Variants in PRKN observed in about 807,000 individuals in gnomAD.
PRKN encodes parkin RBR E3 ubiquitin protein ligase.
PRKN carries 56 observed loss-of-function variants against 59.5 expected under a neutral mutation model. That is an observed-to-expected ratio of 0.94 (90% CI 0.76 to 1.18). The LOEUF (loss-of-function observed/expected upper bound fraction) is 1.18. Ranked by LOEUF, PRKN falls within the 50% of genes most tolerant of loss-of-function variation. The pLI is 0.00. For synonymous variants in PRKN, 250 were observed against 222.1 expected (o/e 1.13, Z -1.12); for missense variants, 657 against 596.4 (o/e 1.10, Z -1.06).
rs1779822111 is a variant in PRKN, at chr6:161,547,074, TGACTCTCA to T, written c.1083+1772_1083+1779del. 2.6e-5 allele frequency among the ~76,000 whole-genome samples: 4 copies of T among 152,314 alleles called. No individual in the cohort carries two copies. The South Asian group carries it at 8.3e-4, about 32-fold the overall frequency. ...AGCAAAGCCACTCACGGGTGATTCC[TGACTCTCA>T]GAAACTGTGAGATGATACATTTCTA... On this transcript the variant is annotated intron_variant, in intron 9 of 11. Coordinates refer to ENST00000366898, the MANE Select transcript of PRKN (RefSeq NM_004562.3). The surrounding 1 kb of genome is among the most constrained non-coding windows in gnomAD (Gnocchi z 4.0).
chr6:161,370,415 C>T (rs1785393610), intron 10 of PRKN, among the ~76,000 whole-genome samples: 1 of 125,806 alleles, frequency 7.9e-6, no homozygotes, highest in Non-Finnish European at 1.6e-5. Flanking sequence ...CCCATCTCTA[C>T]TCAAAATACA....
At chr6:161,441,072 T>A (rs1789192910) in intron 9 of PRKN, among the ~76,000 whole-genome samples, 1 of 152,162 alleles carries the variant, frequency 6.6e-6, no homozygotes, top group African/African-American at 2.4e-5. Context: ...CTAAACACCA[T>A]CAGGGGTTCT....
intron 2 of PRKN, among the ~76,000 whole-genome samples, chr6:162,339,543 C>T (rs1784062275): frequency 6.8e-6 from 1 of 146,542 alleles, no homozygotes; most frequent in Non-Finnish European, 1.5e-5. Flanking sequence ...CCCGGCCAGC[C>T]GCCCCGTCCG....
chr6:161,515,637 T>C (rs1040772677), intron 9 of PRKN, among the ~76,000 whole-genome samples: 1 of 152,208 alleles, frequency 6.6e-6, no homozygotes, highest in African/African-American at 2.4e-5. Context: ...TAGGACTGAT[T>C]TAAGCATTGA....
At chr6:162,250,901 G>A (rs1391866074) in intron 3 of PRKN, among the ~76,000 whole-genome samples, 1 of 151,856 alleles carries the variant, frequency 6.6e-6, no homozygotes, top group Non-Finnish European at 1.5e-5. Context: ...ATGTATTTGG[G>A]TTTTTTAGCA....
In PRKN at chr6:161,360,267, T is replaced by C; in HGVS notation, c.1168-62A>G. On this transcript the variant is annotated intron_variant, in intron 10 of 11. Transcript: ENST00000366898. The surrounding 1 kb of genome is among the most constrained non-coding windows in gnomAD (Gnocchi z 5.1). Reference sequence around the variant, plus strand: ...TTTCTATTACTGGGATCAGAGTTTATGTTCCCTGTACGTCGGTACAGGAAA... The same window carrying C: ...TTTCTATTACTGGGATCAGAGTTTACGTTCCCTGTACGTCGGTACAGGAAA... 1 of 1,316,734 alleles carries C rather than the reference T, an allele frequency of 7.6e-7. No individual in the cohort carries two copies. The highest frequency in any genetic ancestry group is 1.7e-5 in the Admixed American group (1 of 59,652). 81.6% of individuals were successfully genotyped at this position (1,316,734 alleles called of 1,614,324 possible). A position where few individuals can be genotyped will look rare whatever the true frequency, so the allele number is the denominator to read the frequency against.
intron 2 of PRKN, among the ~76,000 whole-genome samples, chr6:162,336,482 A>T (rs74583445): frequency 0.07 from 10,671 of 152,246 alleles, 539 homozygotes; most frequent in African/African-American, 0.14. Context: ...CTGAACTGAC[A>T]GAGATTCACA....
At chr6:161,946,414 A>ACACACTCTCTCTCTCT (rs1247187053) in intron 6 of PRKN, among the ~76,000 whole-genome samples, 31 of 114,450 alleles carry the variant, frequency 2.7e-4, no homozygotes, top group African/African-American at 1.1e-3. Flanking sequence ...ACACACACAC[A>ACACACTCTCTCTCTCT]CTCTCTCTCT....
chr6:162,315,082 A>C (rs955853796), intron 2 of PRKN, among the ~76,000 whole-genome samples: 4 of 152,168 alleles, frequency 2.6e-5, no homozygotes, highest in Non-Finnish European at 5.9e-5. Context: ...TTAAAAGTTA[A>C]ATTTTTATAT....
At chr6:162,428,472 T>G (rs996660512) in intron 2 of PRKN, among the ~76,000 whole-genome samples, 1 of 152,258 alleles carries the variant, frequency 6.6e-6, no homozygotes, top group East Asian at 1.9e-4. Context: ...TAAAATTTAT[T>G]TGAAACCTTA....
At position 161,552,859 on chromosome 6, in the gene PRKN, C is replaced by T. The variant is rs945158075; in HGVS notation, c.934-3856G>A. 6.7e-5 allele frequency among the ~76,000 whole-genome samples: 10 copies of T among 149,626 alleles called. No individual in the cohort carries two copies. The highest frequency in any genetic ancestry group is 1.2e-4 in the Non-Finnish European group (8 of 67,614). ...CGGCTGGAGTACAGTGGCGCAATCT[C>T]GGCTCACTGCAACCTTCATCTCTTG... On this transcript the variant is annotated intron_variant, in intron 8 of 11. Coordinates refer to ENST00000366898, the MANE Select transcript of PRKN (RefSeq NM_004562.3). The surrounding 1 kb of genome is among the most constrained non-coding windows in gnomAD (Gnocchi z 4.9).
At chr6:161,615,310 TTATTAA>T (rs1485947213) in intron 7 of PRKN, among the ~76,000 whole-genome samples, 5 of 152,252 alleles carry the variant, frequency 3.3e-5, no homozygotes, top group East Asian at 1.9e-4. Context: ...CCCAAAGCTA[TTATTAA>T]TATTAAGGAC....
intron 1 of PRKN, among the ~76,000 whole-genome samples, chr6:162,489,590 G>A (rs1792712175): frequency 6.6e-6 from 1 of 152,170 alleles, no homozygotes; most frequent in Non-Finnish European, 1.5e-5. Flanking sequence ...GACAGCATGA[G>A]CTACTTGTGA....
rs576330560 is a variant in PRKN at position 162,550,810 on chromosome 6, C to T, written c.8-107337G>A. Among the ~76,000 whole-genome samples, 9 of 152,266 alleles carry T rather than the reference C, an allele frequency of 5.9e-5. No individual in the cohort carries two copies. The South Asian group carries it at 1.9e-3, about 32-fold the overall frequency. On this transcript the variant is annotated intron_variant, in intron 1 of 11. Coordinates refer to ENST00000366898, the MANE Select transcript of PRKN (RefSeq NM_004562.3). ...AATGTTCTGGAAACTAGAAACACTTCCCTGTGTGTCATGCTGCGACGGTGC... is the reference window on the plus strand; with the variant it reads ...AATGTTCTGGAAACTAGAAACACTTTCCTGTGTGTCATGCTGCGACGGTGC...
At chr6:161,534,638 C>T (rs1347767918) in intron 9 of PRKN, among the ~76,000 whole-genome samples, 5 of 152,212 alleles carry the variant, frequency 3.3e-5, no homozygotes, top group South Asian at 2.1e-4. Flanking sequence ...TATGCTGTTT[C>T]GCATAGACAT....
At chr6:161,535,213 A>G (rs574453614) in intron 9 of PRKN, among the ~76,000 whole-genome samples, 32 of 152,256 alleles carry the variant, frequency 2.1e-4, no homozygotes, top group Non-Finnish European at 4.4e-4. Context: ...TATTGTGGCA[A>G]CACCTTTTAA....
chr6:161,948,592 T>C (rs768008611), intron 6 of PRKN, among the ~76,000 whole-genome samples: 1 of 152,190 alleles, frequency 6.6e-6, no homozygotes, highest in Non-Finnish European at 1.5e-5. Context: ...GACAAGGAAC[T>C]GTTCTCTGTG....
At chr6:161,731,923 A>G (rs1289669790) in intron 7 of PRKN, among the ~76,000 whole-genome samples, 1 of 152,122 alleles carries the variant, frequency 6.6e-6, no homozygotes, top group Admixed American at 6.6e-5. Flanking sequence ...AGGTATAGCC[A>G]TTACATTTAC....
At chr6:162,636,926 C>T (rs1777735354) in intron 1 of PRKN, among the ~76,000 whole-genome samples, 1 of 151,202 alleles carries the variant, frequency 6.6e-6, no homozygotes, top group African/African-American at 2.4e-5. Context: ...TGCCACTGCA[C>T]ATCAGCCTGG....
Sources: gnomAD v4.1 joint callset for allele counts (sites outside exome capture counted in the v4.1 genomes callset) on GRCh38, gnomAD v4.1.1 for gene constraint, Gnocchi (gnomAD v3.1) non-coding constraint, MANE v1.5 for transcripts, NCBI Gene and HGNC (gene_info 2026-07-23, HGNC 2026-07-21) for gene names.